The following IL1RAP variants were observed in gnomAD, a reference collection of about 807,000 sequenced individuals.
IL1RAP encodes the protein interleukin 1 receptor accessory protein.
In IL1RAP, 35 loss-of-function variants were observed where a neutral mutation model predicts 60.7. That is an observed-to-expected ratio of 0.58 (90% CI 0.44 to 0.76). The LOEUF (loss-of-function observed/expected upper bound fraction) is 0.76. Ranked by LOEUF, IL1RAP falls within the 30% of genes least tolerant of loss-of-function variation. The pLI is 0.00. For synonymous variants in IL1RAP, 268 were observed against 250.9 expected, an observed-to-expected ratio of 1.07 and a Z score of -0.64; for missense variants, 572 against 693.9, an observed-to-expected ratio of 0.82 and a Z score of 1.97.
intron 3 of IL1RAP, among the ~76,000 whole-genome samples, chr3:190,574,762 G>A (rs1170118523): frequency 6.6e-6 from 1 of 152,162 alleles, no homozygotes; most frequent in African/African-American, 2.4e-5. Context: ...ATTTCTGGTG[G>A]AGCTGGAATG....
chr3:190,604,147 A>T lies in IL1RAP; in HGVS notation c.84A>T (p.Gly28=), dbSNP rs1277746389. ...TTCCAGAACGCTGCGATGACTGGGG[A>T]CTAGACACCATGAGGCAAATCCAAG... ...SDASERCDDW[G]LDTMRQIQVF... Residue 28 remains glycine, a synonymous_variant, in exon 4 of 12, where the codon GGA becomes GGT. Coordinates refer to ENST00000447382, the MANE Select transcript of IL1RAP (RefSeq NM_002182.4). The T allele has an allele frequency of 6.2e-7, 1 of 1,613,566 alleles. No homozygotes were observed. The highest frequency in any genetic ancestry group is 1.3e-5 in the African/African-American group (1 of 74,876).
intron 3 of IL1RAP, among the ~76,000 whole-genome samples, chr3:190,564,979 C>A (rs1726247652): frequency 1.3e-5 from 2 of 152,052 alleles, no homozygotes; most frequent in African/African-American, 2.4e-5. Context: ...CTCTTCTTCC[C>A]AGAATTATGC....
rs903861989 is a variant in IL1RAP at position 190,651,467 on chromosome 3, T to C, written c.*2762T>C. On this transcript the variant is annotated 3_prime_UTR_variant, in exon 12 of 12. Coordinates refer to ENST00000447382, the MANE Select transcript of IL1RAP (RefSeq NM_002182.4). ...TGTATTTTTCATTTTTCATTTGATT[T>C]GTAAATTTACTTATGTTAAAAATAA... 1.9e-6 allele frequency: 1 copy of C among 528,066 alleles called. No individual in the cohort carries two copies. The highest frequency in any genetic ancestry group is 2.4e-6 in the Non-Finnish European group (1 of 412,602). 32.7% of individuals were successfully genotyped at this position (528,066 alleles called of 1,614,324 possible). A position where few individuals can be genotyped will look rare whatever the true frequency, so the allele number is the denominator to read the frequency against.
chr3:190,644,030 A>T (rs937845897), intron 9 of IL1RAP: 1 of 597,584 alleles, frequency 1.7e-6, no homozygotes, highest in African/African-American at 2.0e-5. Flanking sequence ...TATTCAAATA[A>T]AAAACACCTT....
chr3:190,656,519 G>T (rs988001442), downstream of IL1RAP: 1 of 1,537,206 alleles, frequency 6.5e-7, no homozygotes, highest in African/African-American at 1.4e-5. Flanking sequence ...AATGGCACCA[G>T]ATTGGAACCC....
At chr3:190,568,992 A>G (rs1726670725) in intron 3 of IL1RAP, among the ~76,000 whole-genome samples, 1 of 152,202 alleles carries the variant, frequency 6.6e-6, no homozygotes, top group African/African-American at 2.4e-5. Context: ...AAAGTTACCA[A>G]TCCTATCAGG....
At chr3:190,656,418 C>T (rs1179390337), downstream of IL1RAP, 26 of 1,537,104 alleles carry the variant, frequency 1.7e-5, no homozygotes, top group South Asian at 2.6e-4. Context: ...ACCTTAGGAA[C>T]AAGAGCCGGG....
At chr3:190,515,011 C>T (rs1685757233) in intron 1 of IL1RAP, among the ~76,000 whole-genome samples, 1 of 152,168 alleles carries the variant, frequency 6.6e-6, no homozygotes, top group South Asian at 2.1e-4. Flanking sequence ...CCTTTAAGAG[C>T]TAGCCCACAG....
chr3:190,547,515 T>G, intron 1 of IL1RAP, among the ~76,000 whole-genome samples: 1 of 152,348 alleles, frequency 6.6e-6, no homozygotes, highest in South Asian at 2.1e-4. Context: ...ATGATATTTC[T>G]TTAGGGCTTA....
At chr3:190,655,558 C>CGTGTGTGTGTGTGTGT (rs34341875), downstream of IL1RAP, among the ~76,000 whole-genome samples, 26 of 131,160 alleles carry the variant, frequency 2.0e-4, no homozygotes, top group African/African-American at 7.0e-4. Context: ...AATTGCCCAC[C>CGTGTGTGTGTGTGTGT]GTGTGTGTGT....
In IL1RAP at chr3:190,650,202, T is replaced by C. The variant is rs533118276; in HGVS notation, c.*1497T>C. The C allele has an allele frequency of 2.8e-5, 28 of 984,484 alleles. No homozygotes were observed. The African/African-American group carries it at 4.4e-4, about 15-fold the overall frequency. 61.0% of individuals were successfully genotyped at this position (984,484 alleles called of 1,614,324 possible). Reference sequence around the variant, plus strand: ...ACTGGAATGTTTTTGTGTCAGTGTTTTCTGTACATATTATTTGTTAATTCA... The same window carrying C: ...ACTGGAATGTTTTTGTGTCAGTGTTCTCTGTACATATTATTTGTTAATTCA... On this transcript the variant is annotated 3_prime_UTR_variant, in exon 12 of 12. Coordinates refer to ENST00000447382, the MANE Select transcript of IL1RAP (RefSeq NM_002182.4).
chr3:190,524,135 G>C (rs1398506461), intron 1 of IL1RAP, among the ~76,000 whole-genome samples: 2 of 151,966 alleles, frequency 1.3e-5, no homozygotes, highest in Non-Finnish European at 2.9e-5. Context: ...TTATTCATAT[G>C]CTTGCTGGTT....
intron 1 of IL1RAP, among the ~76,000 whole-genome samples, chr3:190,518,238 T>G (rs61551648): frequency 0.015 from 2,261 of 152,186 alleles, 52 homozygotes; most frequent in African/African-American, 0.05. Flanking sequence ...TCTATAGAGA[T>G]GATCTTTTGG....
intron 2 of IL1RAP, among the ~76,000 whole-genome samples, chr3:190,558,281 T>A (rs1433925338): frequency 6.6e-6 from 1 of 152,180 alleles, no homozygotes; most frequent in African/African-American, 2.4e-5. Context: ...AAGTAAGTTT[T>A]CATTTCCCTT....
chr3:190,532,497 C>T (rs1303667732), intron 1 of IL1RAP, among the ~76,000 whole-genome samples: 1 of 152,080 alleles, frequency 6.6e-6, no homozygotes, highest in Non-Finnish European at 1.5e-5. Flanking sequence ...CTCCTGACCT[C>T]GTGATCTGCC....
At chr3:190,548,094 C>T (rs541146462) in intron 1 of IL1RAP, among the ~76,000 whole-genome samples, 1 of 152,224 alleles carries the variant, frequency 6.6e-6, no homozygotes, top group Non-Finnish European at 1.5e-5. Context: ...TTTTGTGAGG[C>T]CAAGGATGCC....
chr3:190,570,682 C>G (rs1726838547), intron 3 of IL1RAP, among the ~76,000 whole-genome samples: 1 of 152,186 alleles, frequency 6.6e-6, no homozygotes, highest in African/African-American at 2.4e-5. Context: ...TCTCCTGCCT[C>G]AGCCTCCCTA....
At chr3:190,625,995 G>A (rs780249249) in intron 7 of IL1RAP, among the ~76,000 whole-genome samples, 22 of 152,242 alleles carry the variant, frequency 1.4e-4, no homozygotes, top group East Asian at 1.2e-3. Flanking sequence ...GTATGGCCAC[G>A]CAGTCAGGTA....
intron 1 of IL1RAP, among the ~76,000 whole-genome samples, chr3:190,522,314 C>G (rs993090775): frequency 5.0e-5 from 6 of 119,520 alleles, no homozygotes; most frequent in African/African-American, 2.8e-4. Context: ...TCCTTCCTTC[C>G]TTCCTTCCTT....
Sources: allele counts gnomAD v4.1 joint callset (sites outside exome capture counted in the v4.1 genomes callset), GRCh38; gene constraint gnomAD v4.1.1; transcripts MANE v1.5; gene names NCBI Gene and HGNC (gene_info 2026-07-23, HGNC 2026-07-21).